Variants in ANO2 observed in about 807,000 individuals in gnomAD.
ANO2 encodes the protein anoctamin-2.
A neutral mutation model predicts 124.2 loss-of-function variants in ANO2; 101 were observed. That is an observed-to-expected ratio of 0.81 (90% confidence interval 0.69 to 0.96). The LOEUF (loss-of-function observed/expected upper bound fraction) is 0.96, where lower values mean the gene tolerates loss of function less well. Among genes scored for constraint, ANO2 ranks in the 40% least tolerant of loss-of-function variants. The probability of loss-of-function intolerance (pLI) is 0.00; values close to 1 mark genes in which losing one functional copy is unlikely to be tolerated. For synonymous variants in ANO2, 486 were observed against 482.5 expected (o/e 1.01, Z -0.09); for missense variants, 1,293 against 1,274.5 (o/e 1.01, Z -0.22).
intron 3 of ANO2, among the ~76,000 whole-genome samples, chr12:5,877,861 G>A (rs1054254025): frequency 6.6e-6 from 1 of 152,218 alleles, no homozygotes; most frequent in Non-Finnish European, 1.5e-5. Context: ...TATGAGAATC[G>A]AATGCCGCCG....
chr12:5,737,709 A>T (rs938529463), intron 13 of ANO2, among the ~76,000 whole-genome samples: 12 of 152,084 alleles, frequency 7.9e-5, no homozygotes, highest in African/African-American at 2.7e-4. Flanking sequence ...TATGAGACGT[A>T]TTTCAGCTAA....
At chr12:5,934,749 T>C (rs192291225) in intron 1 of ANO2, among the ~76,000 whole-genome samples, 217 of 152,344 alleles carry the variant, frequency 1.4e-3, no homozygotes, top group Middle Eastern at 0.014. Flanking sequence ...TGCTCTTCCA[T>C]TGACATCCTG....
intron 14 of ANO2, among the ~76,000 whole-genome samples, chr12:5,701,839 C>G (rs990108440): frequency 2.6e-5 from 4 of 152,124 alleles, no homozygotes; most frequent in African/African-American, 9.7e-5. Context: ...TTTCAAGGAC[C>G]AACTAAAATT....
chr12:5,728,318 A>G (rs1950519723), intron 14 of ANO2, among the ~76,000 whole-genome samples: 1 of 152,248 alleles, frequency 6.6e-6, no homozygotes, highest in Non-Finnish European at 1.5e-5. Flanking sequence ...ATGGGATACC[A>G]GATCAATATA....
chr12:5,567,307 A>C (rs1364058768), intron 23 of ANO2, among the ~76,000 whole-genome samples: 1 of 152,244 alleles, frequency 6.6e-6, no homozygotes, highest in Non-Finnish European at 1.5e-5. Flanking sequence ...GGCCAGCTCC[A>C]GATTATCCTT....
chr12:5,913,137 C>T (rs899995311), intron 3 of ANO2, among the ~76,000 whole-genome samples: 3 of 152,182 alleles, frequency 2.0e-5, no homozygotes, highest in African/African-American at 7.2e-5. Context: ...GGAAGGCCTC[C>T]AGGGGACGCT....
intron 10 of ANO2, among the ~76,000 whole-genome samples, chr12:5,790,390 T>G (rs1197549694): frequency 2.6e-5 from 4 of 152,126 alleles, no homozygotes; most frequent in African/African-American, 9.7e-5. Context: ...CACCATCATG[T>G]CCCTTGTCTA....
intron 1 of ANO2, among the ~76,000 whole-genome samples, chr12:5,941,229 C>T (rs1448512889): frequency 2.0e-5 from 3 of 152,104 alleles, no homozygotes; most frequent in East Asian, 3.9e-4. Flanking sequence ...GAACTGGACA[C>T]CTTTAAAGGG....
chr12:5,628,083 G>C (rs1945506390), intron 16 of ANO2, among the ~76,000 whole-genome samples: 1 of 152,214 alleles, frequency 6.6e-6, no homozygotes, highest in South Asian at 2.1e-4. Context: ...CGGGGCAACA[G>C]AGTGAGACCC....
chr12:5,773,151 A>C (rs961721798), intron 10 of ANO2, among the ~76,000 whole-genome samples: 1 of 152,258 alleles, frequency 6.6e-6, no homozygotes, highest in Admixed American at 6.5e-5. Context: ...AGCTCCGGCT[A>C]CAGCCCTCTC....
chr12:5,848,167 G>T (rs1298179334), intron 4 of ANO2, among the ~76,000 whole-genome samples: 1 of 152,108 alleles, frequency 6.6e-6, no homozygotes, highest in East Asian at 1.9e-4. Context: ...CCCTTGTATT[G>T]TTCATGTCAT....
intron 3 of ANO2, among the ~76,000 whole-genome samples, chr12:5,911,654 T>C (rs953944586): frequency 1.3e-5 from 2 of 152,172 alleles, no homozygotes; most frequent in African/African-American, 2.4e-5. Context: ...ACCAGTCAGA[T>C]AGGGAGATAA....
At chr12:5,819,581 G>A (rs151233810) in intron 7 of ANO2, among the ~76,000 whole-genome samples, 5 of 152,300 alleles carry the variant, frequency 3.3e-5, no homozygotes, top group South Asian at 2.1e-4. Flanking sequence ...TTGGTTTAAC[G>A]TAGAGGAAGA....
intron 1 of ANO2, among the ~76,000 whole-genome samples, chr12:5,933,177 T>C (rs1227945664): frequency 1.3e-5 from 2 of 152,186 alleles, no homozygotes; most frequent in Non-Finnish European, 2.9e-5. Flanking sequence ...TTTACCATCT[T>C]TCTTGTCAAC....
intron 3 of ANO2, among the ~76,000 whole-genome samples, chr12:5,920,145 G>A (rs1941619177): frequency 6.6e-6 from 1 of 151,848 alleles, no homozygotes; most frequent in Non-Finnish European, 1.5e-5. Flanking sequence ...AGGTGGATAT[G>A]TGTATGAATG....
intron 3 of ANO2, among the ~76,000 whole-genome samples, chr12:5,863,783 T>C (rs1241943951): frequency 2.6e-5 from 4 of 152,194 alleles, no homozygotes; most frequent in Non-Finnish European, 5.9e-5. Flanking sequence ...GCAACACTTC[T>C]TGTAACTTTT....
At chr12:5,745,792 G>A (rs373398011) in intron 11 of ANO2, among the ~76,000 whole-genome samples, 6 of 152,120 alleles carry the variant, frequency 3.9e-5, no homozygotes, top group Admixed American at 2.0e-4. Context: ...ACTCATCCAC[G>A]TCGAAAATAT....
At position 5,660,474 on chromosome 12, in the gene ANO2, C is replaced by G. The variant is rs371024150; in HGVS notation, c.1546-12673G>C. Among the ~76,000 whole-genome samples the G allele has an allele frequency of 1.0e-4, 11 of 106,528 alleles. No homozygotes were observed. In the East Asian group the frequency reaches 1.6e-3, roughly 16 times the overall value. The allele number at this position is 106,528 out of a possible 152,430, so 69.9% of individuals were successfully genotyped here. On this transcript the variant is annotated intron_variant, in intron 14 of 24. Coordinates refer to ENST00000682330, the MANE Select transcript of ANO2 (RefSeq NM_001364791.2). Reference sequence around the variant, plus strand: ...ATAGCAAAACCTTAGCATGACTCCTCTCCTCACTCTCCACCCAGCTCCTCC... The same window carrying G: ...ATAGCAAAACCTTAGCATGACTCCTGTCCTCACTCTCCACCCAGCTCCTCC...
Position 5,635,676 on chromosome 12 carries a change from C to T in ANO2, c.1621-329G>A, listed in dbSNP as rs1010093033. On this transcript the variant is annotated intron_variant, in intron 15 of 24. Coordinates refer to ENST00000682330, the MANE Select transcript of ANO2 (RefSeq NM_001364791.2). The surrounding 1 kb of genome is among the most constrained non-coding windows in gnomAD (Gnocchi z 5.2). ...CCTGTGGAGTGTTCAACACACATGA[C>T]GCAATTTCTTTCATTAGGGAGCTTT... 2.4e-4 allele frequency among the ~76,000 whole-genome samples: 37 copies of T among 151,578 alleles called. No homozygotes were observed. The highest frequency in any genetic ancestry group is 6.5e-4 in the African/African-American group (27 of 41,256).
Sources: allele counts gnomAD v4.1 joint callset (sites outside exome capture counted in the v4.1 genomes callset), GRCh38; gene constraint gnomAD v4.1.1; non-coding constraint Gnocchi (gnomAD v3.1); transcripts MANE v1.5; gene names NCBI Gene and HGNC (gene_info 2026-07-23, HGNC 2026-07-21).